The following RAB27B variants were observed in gnomAD, a reference collection of about 807,000 sequenced individuals.
RAB27B encodes the protein ras-related protein Rab-27B.
Under a neutral mutation model 24.6 loss-of-function variants are expected in RAB27B, and 15 were observed. The ratio of observed to expected loss-of-function variants is 0.61; its 90% confidence interval spans 0.41 to 0.94. The LOEUF (loss-of-function observed/expected upper bound fraction) is 0.94, where lower values mean the gene tolerates loss of function less well. RAB27B is among the 40% of genes least tolerant of loss of function. RAB27B has a pLI of 0.00. For synonymous variants in RAB27B, 105 were observed against 92.5 expected (o/e 1.14, Z -0.78); for missense variants, 261 against 266.8 (o/e 0.98, Z 0.15).
chr18:54,812,937 G>GA (rs1910012288), intron 2 of RAB27B, among the ~76,000 whole-genome samples: 1 of 152,148 alleles, frequency 6.6e-6, no homozygotes, highest in African/African-American at 2.4e-5. Context: ...CTCAGCCTGA[G>GA]AAATAGAGTG....
chr18:54,817,334 G>A (rs112480935), intron 2 of RAB27B, among the ~76,000 whole-genome samples: 5,034 of 152,182 alleles, frequency 0.033, 134 homozygotes, highest in Admixed American at 0.077. Context: ...TAAAACCCAA[G>A]GCTTTAGATT....
chr18:54,829,474 A>G (rs1910591653), intron 1 of RAB27B, among the ~76,000 whole-genome samples: 1 of 152,218 alleles, frequency 6.6e-6, no homozygotes, highest in Non-Finnish European at 1.5e-5. Flanking sequence ...ATGTAATTCC[A>G]GTTGTTTTAA....
intron 1 of RAB27B, among the ~76,000 whole-genome samples, chr18:54,849,835 C>T (rs1911487396): frequency 1.3e-5 from 2 of 152,044 alleles, no homozygotes; most frequent in African/African-American, 4.8e-5. Flanking sequence ...ACTGAATAGA[C>T]CTCTGACACT....
chr18:54,837,572 G>A (rs144342186), intron 1 of RAB27B, among the ~76,000 whole-genome samples: 2 of 151,994 alleles, frequency 1.3e-5, no homozygotes, highest in South Asian at 2.1e-4. Context: ...GATAATGACT[G>A]GGAAATGCAG....
At position 54,776,565 on chromosome 18, in the gene RAB27B, G is replaced by A. The variant is rs376675352; in HGVS notation, c.-20+58424G>A. 1.4e-3 allele frequency among the ~76,000 whole-genome samples: 216 copies of A among 152,318 alleles called. 4 individuals are homozygous for A. In the South Asian group the frequency reaches 0.028, roughly 20 times the overall value. On this transcript the variant is annotated intron_variant, in intron 2 of 4. Transcript: ENST00000586570. Reference sequence around the variant, plus strand: ...AACAGACAACTTCTTTATCCTCACAGAGGATAGATTCTAGTGGGTGCTGCC... The same window carrying A: ...AACAGACAACTTCTTTATCCTCACAAAGGATAGATTCTAGTGGGTGCTGCC...
At chr18:54,876,040 A>C (rs1912683528) in intron 1 of RAB27B, among the ~76,000 whole-genome samples, 1 of 152,162 alleles carries the variant, frequency 6.6e-6, no homozygotes, top group African/African-American at 2.4e-5. Flanking sequence ...TAATTGACTC[A>C]CAGTTTAGCG....
At chr18:54,807,485 G>T (rs567625530) in intron 2 of RAB27B, among the ~76,000 whole-genome samples, 11 of 152,104 alleles carry the variant, frequency 7.2e-5, no homozygotes, top group Non-Finnish European at 1.6e-4. Context: ...GAGCTTTACA[G>T]GATTGAACAT....
At chr18:54,779,589 G>A (rs889304679) in intron 2 of RAB27B, among the ~76,000 whole-genome samples, 12 of 152,092 alleles carry the variant, frequency 7.9e-5, no homozygotes, top group Non-Finnish European at 7.3e-5. Context: ...ACGTACAAAG[G>A]TCCAGGATGT....
intron 1 of RAB27B, among the ~76,000 whole-genome samples, chr18:54,836,993 A>G (rs1910920053): frequency 6.7e-6 from 1 of 149,532 alleles, no homozygotes. Flanking sequence ...TGTCTATCTG[A>G]TTTTTTGCTT....
Position 54,877,615 on chromosome 18 carries a change from C to A in RAB27B, c.30C>A (p.Ile10=). Residue 10 remains isoleucine (I), a synonymous_variant, in exon 2 of 6, where the codon ATC becomes ATA. Transcript: ENST00000262094. MTDGDYDYL[I]KLLALGDSGV... ...CCGATGGAGACTATGATTATCTGAT[C>A]AAACTCCTGGCCCTCGGGGATTCAG... 6.3e-7 allele frequency: 1 copy of A among 1,586,628 alleles called. No homozygotes were observed. The highest frequency in any genetic ancestry group is 1.9e-5 in the Admixed American group (1 of 52,140).
chr18:54,718,693 A>T (rs1378564840), intron 2 of RAB27B, among the ~76,000 whole-genome samples: 1 of 152,230 alleles, frequency 6.6e-6, no homozygotes, highest in Non-Finnish European at 1.5e-5. Context: ...ACATTAAAAA[A>T]CAATGCTAAT....
At chr18:54,730,008 G>A (rs1026375920) in intron 2 of RAB27B, among the ~76,000 whole-genome samples, 7 of 91,524 alleles carry the variant, frequency 7.6e-5, no homozygotes, top group African/African-American at 2.3e-4. Flanking sequence ...GCAATAAGAA[G>A]TGATAATTTG....
intron 2 of RAB27B, chr18:54,745,623 A>C (rs1348387123): frequency 1.3e-5 from 2 of 152,574 alleles, no homozygotes; most frequent in Non-Finnish European, 2.9e-5. Context: ...AGATGGAAAT[A>C]AGCTTGATGA....
intron 2 of RAB27B, among the ~76,000 whole-genome samples, chr18:54,740,147 C>A (rs951809958): frequency 3.3e-5 from 5 of 152,158 alleles, no homozygotes; most frequent in African/African-American, 1.2e-4. Flanking sequence ...AGGAAGAATT[C>A]ATCTCATGGC....
intron 1 of RAB27B, among the ~76,000 whole-genome samples, chr18:54,870,846 C>T (rs889093476): frequency 3.3e-5 from 5 of 152,078 alleles, no homozygotes; most frequent in East Asian, 1.9e-4. Flanking sequence ...CTTACATTTG[C>T]GTCAAAATAA....
At position 54,725,273 on chromosome 18, in the gene RAB27B, T is replaced by C. The variant is rs77321875; in HGVS notation, c.-20+7132T>C. Among the ~76,000 whole-genome samples, 22 of 151,760 alleles carry C rather than the reference T, an allele frequency of 1.4e-4. No individual in the cohort carries two copies. In the East Asian group the frequency reaches 4.2e-3, roughly 29 times the overall value. On this transcript the variant is annotated intron_variant, in intron 2 of 4. Transcript: ENST00000586570. ...AAAGCACTGAAAACAATAGGTATCC[T>C]GTAAACGTTAGTTCTTTTTTTTCTT...
At chr18:54,812,546 C>T (rs1352621091) in intron 2 of RAB27B, among the ~76,000 whole-genome samples, 1 of 125,326 alleles carries the variant, frequency 8.0e-6, no homozygotes, top group Admixed American at 9.7e-5. Flanking sequence ...CATGGAACTC[C>T]TTTAACACAC....
At chr18:54,735,515 A>G (rs146771396) in intron 2 of RAB27B, among the ~76,000 whole-genome samples, 1 of 152,062 alleles carries the variant, frequency 6.6e-6, no homozygotes, top group Non-Finnish European at 1.5e-5. Context: ...CTTATTTCAG[A>G]TAATTTTTCT....
chr18:54,784,541 G>C (rs1033494121), intron 2 of RAB27B, among the ~76,000 whole-genome samples: 1 of 152,122 alleles, frequency 6.6e-6, no homozygotes, highest in African/African-American at 2.4e-5. Context: ...TTTAACTCCC[G>C]CTTGTAAGTG....
Sources: allele counts gnomAD v4.1 joint callset (sites outside exome capture counted in the v4.1 genomes callset), GRCh38; gene constraint gnomAD v4.1.1; transcripts MANE v1.5; gene names NCBI Gene and HGNC (gene_info 2026-07-23, HGNC 2026-07-21).